Variants in SS18 observed in about 807,000 individuals in gnomAD.
The protein encoded by SS18 is protein SSXT.
A neutral mutation model predicts 72.5 loss-of-function variants in SS18; 28 were observed. The ratio of observed to expected loss-of-function variants is 0.39; its 90% CI spans 0.29 to 0.53. SS18 has a LOEUF of 0.53. Among genes scored for constraint, SS18 ranks in the 20% least tolerant of loss-of-function variants. SS18 has a pLI of 0.76. For missense variants in SS18, 518 were observed against 535.3 expected, an observed-to-expected ratio of 0.97 and a Z score of 0.32; for synonymous variants, 172 against 164.2, an observed-to-expected ratio of 1.05 and a Z score of -0.37.
chr18:26,029,978 CCAT>C (rs2053516728), intron 10 of SS18, among the ~76,000 whole-genome samples: 1 of 152,244 alleles, frequency 6.6e-6, no homozygotes, highest in Admixed American at 6.5e-5. Flanking sequence ...TACTCAAACA[CCAT>C]GAGTCTTTAT....
rs1349472813 is a variant in SS18, at chr18:26,064,636, C to A, written c.232-6894G>T. 2.6e-5 allele frequency among the ~76,000 whole-genome samples: 4 copies of A among 151,986 alleles called. No homozygotes were observed. In the East Asian group the frequency reaches 7.7e-4, roughly 29 times the overall value. On this transcript the variant is annotated intron_variant, in intron 3 of 10. Transcript: ENST00000415083. The stretch of plus-strand genomic sequence containing the variant: ...CACTCTTAAAACAAAAATTTTACAG[C>A]CAATGTCATCTTACTAATGAAATAC...
At position 26,039,313 on chromosome 18, in the gene SS18, G is replaced by T. The variant is rs761697538; in HGVS notation, c.751C>A (p.Pro251Thr). The T allele has an allele frequency of 8.7e-6, 14 of 1,613,078 alleles. No individual in the cohort carries two copies. Among genetic ancestry groups the T allele is most frequent in the Middle Eastern group, 1.7e-4 (1 of 6,060 alleles). ...CCCTGTTGAGGAGGTCTATAGGGAG[G>T]AATCTGTCTCTGACCCATCATATGA... Reference protein sequence around the residue: ...GNHMMGQRQIPPYRPPQQGPP... With the variant: ...GNHMMGQRQITPYRPPQQGPP... The change falls in exon 6 of 11, where the codon CCT becomes ACT. Residue 251 changes from proline (P) to threonine (T), a missense_variant. Pro to Thr is a conservative substitution (Grantham distance 38, BLOSUM62 -1). Coordinates refer to ENST00000415083, the MANE Select transcript of SS18 (RefSeq NM_001007559.3).
chr18:26,059,015 T>A (rs1259156041), intron 3 of SS18, among the ~76,000 whole-genome samples: 1 of 152,200 alleles, frequency 6.6e-6, no homozygotes, highest in Non-Finnish European at 1.5e-5. Context: ...AAATCCTCCT[T>A]CCTCTATTCT....
chr18:26,045,979 G>A, intron 5 of SS18, among the ~76,000 whole-genome samples: 1 of 151,944 alleles, frequency 6.6e-6, no homozygotes, highest in Non-Finnish European at 1.5e-5. Flanking sequence ...TTGAGGTCAG[G>A]AGTTCAAGAC....
intron 10 of SS18, among the ~76,000 whole-genome samples, chr18:26,026,029 G>A (rs891444421): frequency 1.3e-5 from 2 of 152,132 alleles, no homozygotes; most frequent in African/African-American, 4.8e-5. Context: ...CAGAATGATT[G>A]TACAGTTACT....
chr18:26,020,958 C>T (rs6508407), intron 10 of SS18, among the ~76,000 whole-genome samples: 14,128 of 152,074 alleles, frequency 0.093, 982 homozygotes, highest in African/African-American at 0.17. Flanking sequence ...GATAATAATA[C>T]CTCAGTTTGT....
intron 4 of SS18, among the ~76,000 whole-genome samples, chr18:26,054,677 TA>T (rs912362684): frequency 1.3e-4 from 19 of 149,560 alleles, no homozygotes; most frequent in African/African-American, 3.7e-4. Context: ...ATTTGTACTT[TA>T]AAAAAAAAGA....
chr18:26,063,334 A>G (rs1051773994), intron 3 of SS18, among the ~76,000 whole-genome samples: 60 of 152,284 alleles, frequency 3.9e-4, no homozygotes, highest in Admixed American at 2.2e-3. Context: ...CCTGGCTAAC[A>G]AGGTGAAACC....
intron 2 of SS18, chr18:26,080,257 G>A (rs954017474): frequency 1.4e-6 from 1 of 719,066 alleles, no homozygotes; most frequent in African/African-American, 1.9e-5. Context: ...TCCATATCTT[G>A]CCATTTTTTA....
Position 26,035,193 on chromosome 18 carries a change from A to G in SS18, c.974-66T>C. Reference sequence around the variant, plus strand: ...CTGCTTAAGTAACTTTTTTCCCTCTAAGATGCATAGCCAACAACACAAGAA... The same window carrying G: ...CTGCTTAAGTAACTTTTTTCCCTCTGAGATGCATAGCCAACAACACAAGAA... On this transcript the variant is annotated intron_variant, in intron 8 of 10. Transcript: ENST00000415083. The surrounding 1 kb of genome is among the most constrained non-coding windows in gnomAD (Gnocchi z 4.4). 1.3e-6 allele frequency: 2 copies of G among 1,551,876 alleles called. No individual in the cohort carries two copies. Among genetic ancestry groups the G allele is most frequent in the Non-Finnish European group, 1.8e-6 (2 of 1,137,944 alleles).
intron 3 of SS18, among the ~76,000 whole-genome samples, chr18:26,077,840 G>C (rs1460310283): frequency 6.6e-6 from 1 of 151,998 alleles, no homozygotes; most frequent in Non-Finnish European, 1.5e-5. Context: ...AATTAAAATA[G>C]GTAGGTAGGT....
intron 3 of SS18, among the ~76,000 whole-genome samples, chr18:26,058,647 T>A (rs1159040888): frequency 1.3e-5 from 2 of 152,236 alleles, no homozygotes; most frequent in African/African-American, 2.4e-5. Flanking sequence ...TTGGCACACT[T>A]AATAGATACA....
intron 3 of SS18, among the ~76,000 whole-genome samples, chr18:26,058,407 G>A (rs962645253): frequency 3.9e-5 from 6 of 152,180 alleles, no homozygotes; most frequent in African/African-American, 1.4e-4. Context: ...GATATGAGGT[G>A]GTCTGCCACA....
Position 26,035,366 on chromosome 18 carries a change from G to T in SS18, c.974-239C>A. 1 of 447,028 alleles carries T rather than the reference G, an allele frequency of 2.2e-6. No homozygotes were observed. The highest frequency in any genetic ancestry group is 2.5e-5 in the South Asian group (1 of 40,644). The allele number at this position is 447,028 out of a possible 1,614,324, so 27.7% of individuals were successfully genotyped here. On this transcript the variant is annotated intron_variant, in intron 8 of 10. Transcript: ENST00000415083. The surrounding 1 kb of genome is among the most constrained non-coding windows in gnomAD (Gnocchi z 4.4). ...CATTTTCAGCGTCTCTGCCATACGAGCATTACATTTACTGGAACATCACAG... is the reference window on the plus strand; with the variant it reads ...CATTTTCAGCGTCTCTGCCATACGATCATTACATTTACTGGAACATCACAG...
At chr18:26,075,057 C>A (rs899071325) in intron 3 of SS18, among the ~76,000 whole-genome samples, 2 of 151,718 alleles carry the variant, frequency 1.3e-5, no homozygotes, top group African/African-American at 2.4e-5. Flanking sequence ...TAGAAATTGT[C>A]CTATAACAAT....
chr18:26,051,246 T>C (rs1362378059), intron 5 of SS18, among the ~76,000 whole-genome samples: 1 of 152,156 alleles, frequency 6.6e-6, no homozygotes, highest in Non-Finnish European at 1.5e-5. Flanking sequence ...CAAAAAGTGA[T>C]ATAACTACTG....
intron 3 of SS18, among the ~76,000 whole-genome samples, chr18:26,068,821 CTT>C (rs1179153636): frequency 2.6e-5 from 4 of 152,042 alleles, no homozygotes; most frequent in Non-Finnish European, 5.9e-5. Context: ...ACAGGTCAGA[CTT>C]TTATTTTTTG....
chr18:26,058,435 G>A (rs2054063667), intron 3 of SS18, among the ~76,000 whole-genome samples: 1 of 152,162 alleles, frequency 6.6e-6, no homozygotes, highest in Admixed American at 6.5e-5. Context: ...CCCTTCTTAG[G>A]GATATTTTGG....
chr18:26,019,959 G>A (rs1453918913), intron 10 of SS18, among the ~76,000 whole-genome samples: 1 of 152,136 alleles, frequency 6.6e-6, no homozygotes, highest in African/African-American at 2.4e-5. Flanking sequence ...ATAGTGTAGA[G>A]GGGTAGATAA....
Sources: allele counts gnomAD v4.1 joint callset (sites outside exome capture counted in the v4.1 genomes callset), GRCh38; gene constraint gnomAD v4.1.1; non-coding constraint Gnocchi (gnomAD v3.1); transcripts MANE v1.5; gene names NCBI Gene and HGNC (gene_info 2026-07-23, HGNC 2026-07-21).